The following TSPAN19 variants were observed in gnomAD, a reference collection of about 807,000 sequenced individuals.
TSPAN19 encodes the protein tetraspanin 19.
In TSPAN19, 44 loss-of-function variants were observed where a neutral mutation model predicts 35.1. The observed-to-expected ratio is 1.25, with a 90% CI of 0.98 to 1.61. TSPAN19 has a LOEUF of 1.61. Among genes scored for constraint, TSPAN19 ranks in the 40% most tolerant of loss-of-function variants. TSPAN19 has a pLI of 0.00. For synonymous variants in TSPAN19, 79 were observed against 92.0 expected, an observed-to-expected ratio of 0.86 and a Z score of 0.81; for missense variants, 290 against 280.0, an observed-to-expected ratio of 1.04 and a Z score of -0.26.
chr12:85,023,674 A>G (rs73379715), intron 4 of TSPAN19, among the ~76,000 whole-genome samples: 4,366 of 152,240 alleles, frequency 0.029, 208 homozygotes, highest in African/African-American at 0.098. Flanking sequence ...ATGCCATCTT[A>G]ATTCAGTTCT....
chr12:85,022,262 A>C (rs1248045703), intron 5 of TSPAN19, among the ~76,000 whole-genome samples: 1 of 151,968 alleles, frequency 6.6e-6, no homozygotes, highest in Non-Finnish European at 1.5e-5. Flanking sequence ...ATGTGGAGAA[A>C]AGTAATTTTA....
intron 5 of TSPAN19, among the ~76,000 whole-genome samples, chr12:85,021,143 T>C (rs1877099174): frequency 6.6e-6 from 1 of 152,068 alleles, no homozygotes; most frequent in South Asian, 2.1e-4. Context: ...GTAGGAAGAA[T>C]AGATATTATT....
chr12:85,030,052 C>A, intron 1 of TSPAN19, 79 bp from the exon 2 acceptor site: 1 of 1,114,694 alleles, frequency 9.0e-7, no homozygotes, highest in Non-Finnish European at 1.2e-6. Flanking sequence ...TCTTTATTTG[C>A]ACATTTTTCT....
intron 1 of TSPAN19, among the ~76,000 whole-genome samples, chr12:85,033,585 A>T (rs1166169877): frequency 6.6e-6 from 1 of 152,134 alleles, no homozygotes; most frequent in African/African-American, 2.4e-5. Flanking sequence ...ACATTATCTC[A>T]TATTCTACAT....
chr12:85,029,384 T>C (rs562850171), intron 3 of TSPAN19, among the ~76,000 whole-genome samples: 1 of 152,272 alleles, frequency 6.6e-6, no homozygotes, highest in Middle Eastern at 3.4e-3. Context: ...AGTGATCAGA[T>C]CAGAGTAATT....
intron 1 of TSPAN19, among the ~76,000 whole-genome samples, chr12:85,035,956 G>A (rs1877989553): frequency 1.3e-5 from 2 of 150,982 alleles, no homozygotes; most frequent in South Asian, 4.2e-4. Context: ...AAAAACTGTT[G>A]TCATGGAAGG....
At chr12:85,020,720 G>A (rs765211473) in intron 5 of TSPAN19, among the ~76,000 whole-genome samples, 2 of 152,002 alleles carry the variant, frequency 1.3e-5, no homozygotes, top group African/African-American at 4.8e-5. Context: ...GAACAGACAA[G>A]CCTTGCTAAA....
At chr12:85,020,790 T>C (rs750474229) in intron 5 of TSPAN19, among the ~76,000 whole-genome samples, 1 of 152,100 alleles carries the variant, frequency 6.6e-6, no homozygotes, top group Non-Finnish European at 1.5e-5. Context: ...CACTTTCACA[T>C]GACTGTCCAC....
At chr12:85,029,693 A>C in intron 3 of TSPAN19, 26 bp downstream of exon 3, 1 of 1,497,712 alleles carries the variant, frequency 6.7e-7, no homozygotes, top group Non-Finnish European at 9.0e-7. Flanking sequence ...TATTTCACTG[A>C]GAGAAAAACA....
At chr12:85,027,296 A>G (rs550161243) in intron 4 of TSPAN19, among the ~76,000 whole-genome samples, 6 of 152,106 alleles carry the variant, frequency 3.9e-5, no homozygotes, top group Non-Finnish European at 8.8e-5. Flanking sequence ...GGGGAGGAAA[A>G]GAGTGGGGCA....
chr12:85,029,876 C>T lies in TSPAN19; in HGVS notation c.66+5G>A. 1 of 1,495,396 alleles carries T rather than the reference C, an allele frequency of 6.7e-7. No homozygotes were observed. The highest frequency in any genetic ancestry group is 9.0e-7 in the Non-Finnish European group (1 of 1,105,010). 92.6% of individuals were successfully genotyped at this position (1,495,396 alleles called of 1,614,324 possible). On this transcript the variant is annotated splice_donor_5th_base_variant and intron_variant, in intron 2 of 8. Coordinates refer to ENST00000532498, the MANE Select transcript of TSPAN19 (RefSeq NM_001100917.2). ...TCTTTACTGTATAATTATGAAGATT[C>T]TTACCAAGAAAGCTCCATTAATGAG...
intron 4 of TSPAN19, among the ~76,000 whole-genome samples, chr12:85,027,358 A>G (rs947620687): frequency 6.6e-6 from 1 of 152,194 alleles, no homozygotes; most frequent in Non-Finnish European, 1.5e-5. Context: ...GCTGGGTGAC[A>G]GGATCAATCG....
chr12:85,030,081 T>A (rs1007052433), intron 1 of TSPAN19, 108 bp from the exon 2 acceptor site: 15 of 857,870 alleles, frequency 1.7e-5, no homozygotes, highest in Non-Finnish European at 2.1e-5. Flanking sequence ...CAATTATCAG[T>A]ATAACATACT....
chr12:85,034,752 T>A (rs1036204962), intron 1 of TSPAN19, among the ~76,000 whole-genome samples: 2 of 152,214 alleles, frequency 1.3e-5, no homozygotes, highest in African/African-American at 2.4e-5. Context: ...ATTAGTTATA[T>A]TCTAGCGAAA....
At chr12:85,032,666 G>T (rs1877741875) in intron 1 of TSPAN19, among the ~76,000 whole-genome samples, 2 of 152,128 alleles carry the variant, frequency 1.3e-5, no homozygotes, top group Non-Finnish European at 2.9e-5. Context: ...GGCTTTTTCA[G>T]CCATAAGCTC....
At chr12:85,026,457 G>A (rs1472158461) in intron 4 of TSPAN19, among the ~76,000 whole-genome samples, 2 of 152,122 alleles carry the variant, frequency 1.3e-5, no homozygotes, top group Non-Finnish European at 2.9e-5. Flanking sequence ...AAGTCTGTGG[G>A]TTTCCAGAGC....
chr12:85,027,405 A>G (rs1408456335), intron 4 of TSPAN19, among the ~76,000 whole-genome samples: 1 of 152,172 alleles, frequency 6.6e-6, no homozygotes, highest in Non-Finnish European at 1.5e-5. Flanking sequence ...ATACCCATGT[A>G]ACAAACTTGC....
intron 3 of TSPAN19, 71 bp downstream of exon 3, chr12:85,029,648 T>G (rs1204611170): frequency 8.5e-7 from 1 of 1,176,156 alleles, no homozygotes; most frequent in African/African-American, 1.6e-5. Context: ...ACCTGCTGAA[T>G]AAATTGTGTA....
At position 85,027,750 on chromosome 12, in the gene TSPAN19, T is replaced by C. The variant is rs1176394326; in HGVS notation, c.264+149A>G. On this transcript the variant is annotated intron_variant, in intron 4 of 8. Transcript: ENST00000532498. ...AATCCTGTCAGGAAAAGTGACTTTG[T>C]TGGAGGGAGGAGGGTGTGCTTCATT... 5 of 728,112 alleles carry C rather than the reference T, an allele frequency of 6.9e-6. No homozygotes were observed. The African/African-American group carries it at 7.5e-5, about 11-fold the overall frequency. The allele number at this position is 728,112 out of a possible 1,614,324, so 45.1% of individuals were successfully genotyped here. A position where few individuals can be genotyped will look rare whatever the true frequency, so the allele number is the denominator to read the frequency against.
Sources: gnomAD v4.1 joint callset for allele counts (sites outside exome capture counted in the v4.1 genomes callset) on GRCh38, gnomAD v4.1.1 for gene constraint, MANE v1.5 for transcripts, NCBI Gene and HGNC (gene_info 2026-07-23, HGNC 2026-07-21) for gene names.